The following HELQ variants were observed in gnomAD, a reference collection of about 807,000 sequenced individuals.
The protein encoded by HELQ is helicase, POLQ like.
HELQ carries 77 observed loss-of-function variants against 111.6 expected under a neutral mutation model. The observed-to-expected ratio is 0.69, with a 90% CI of 0.57 to 0.83. HELQ has a LOEUF of 0.83. Among genes scored for constraint, HELQ ranks in the 40% least tolerant of loss-of-function variants. HELQ has a pLI of 0.00. For synonymous variants in HELQ, 438 were observed against 454.7 expected (o/e 0.96, Z 0.47); for missense variants, 1,200 against 1,288.5 (o/e 0.93, Z 1.05).
At chr4:83,408,972 A>G (rs556361296) in intron 17 of HELQ, among the ~76,000 whole-genome samples, 24 of 152,234 alleles carry the variant, frequency 1.6e-4, no homozygotes, top group Non-Finnish European at 3.4e-4. Context: ...CTTTTAGGGG[A>G]GAGAATGGGT....
intron 8 of HELQ, among the ~76,000 whole-genome samples, chr4:83,439,315 T>C (rs1333158224): frequency 6.6e-6 from 1 of 151,116 alleles, no homozygotes; most frequent in African/African-American, 2.5e-5. Flanking sequence ...TCCGCACACC[T>C]TGGCTTCCCA....
At position 83,437,391 on chromosome 4, in the gene HELQ, T is replaced by C. The variant is rs369700460; in HGVS notation, c.1809-294A>G. Among the ~76,000 whole-genome samples, 43 of 152,124 alleles carry C rather than the reference T, an allele frequency of 2.8e-4. 1 individual carries two copies. The highest frequency in any genetic ancestry group is 9.8e-4 in the Admixed American group (15 of 15,276). ...ACTTTGGGAGGTAGAGGCAGAAGGATTGCTTGAGCCCAAGAGTTCAAGATC... is the reference window on the plus strand; with the variant it reads ...ACTTTGGGAGGTAGAGGCAGAAGGACTGCTTGAGCCCAAGAGTTCAAGATC... On this transcript the variant is annotated intron_variant, in intron 8 of 17. Transcript: ENST00000295488.
intron 14 of HELQ, among the ~76,000 whole-genome samples, chr4:83,422,857 A>G (rs57581974): frequency 0.079 from 12,014 of 152,238 alleles, 1,591 homozygotes; most frequent in African/African-American, 0.27. Context: ...TATAAATTAG[A>G]CAAATGTACT....
intron 7 of HELQ, 83 bp downstream of exon 7, chr4:83,441,222 A>G: frequency 2.6e-6 from 2 of 756,776 alleles, no homozygotes; most frequent in East Asian, 2.6e-5. Flanking sequence ...AATCTAGACT[A>G]TTCTACGGAA....
At chr4:83,427,449 G>T in intron 13 of HELQ, 114 bp downstream of exon 13, 1 of 813,192 alleles carries the variant, frequency 1.2e-6, no homozygotes, top group Non-Finnish European at 1.8e-6. Flanking sequence ...GAGCCTAGGA[G>T]TTTGAGACCA....
chr4:83,453,413 G>A lies in HELQ; in HGVS notation c.830C>T (p.Ala277Val), dbSNP rs748050831. Residue 277 changes from alanine (A) to valine (V), a missense_variant, in exon 2 of 18, where the codon GCG (alanine) becomes GTG (valine). Ala to Val is a moderately conservative substitution (Grantham distance 64). This residue lies in a region of HELQ where 610 missense variants were observed against 607.1 expected (regional missense o/e 1.00). Coordinates refer to ENST00000295488, the MANE Select transcript of HELQ (RefSeq NM_133636.5). ...AGAAAATATTGGTGTCTGGGCCTTC[G>A]CATTTCCAGTCATGGCATTTTTTAG... ...DHLKNAMTGNAKAQTPIFSRS... is the reference protein window; with the variant it reads ...DHLKNAMTGNVKAQTPIFSRS... The A allele has an allele frequency of 2.5e-6, 4 of 1,603,700 alleles. No homozygotes were observed. Among genetic ancestry groups the A allele is most frequent in the Non-Finnish European group, 2.5e-6 (3 of 1,176,512 alleles).
chr4:83,444,898 ATTC>A lies in HELQ; in HGVS notation c.1465+1113_1465+1115del, dbSNP rs532057712. Among the ~76,000 whole-genome samples, 409 of 152,348 alleles carry A rather than the reference ATTC, an allele frequency of 2.7e-3. 3 individuals carry two copies. The highest frequency in any genetic ancestry group is 6.8e-3 in the Middle Eastern group (2 of 294). ...ATTGGATTTGCATTTGGGAAAGATC[ATTC>A]TTCTTGCGCTAAAGAAAGATGGATT... On this transcript the variant is annotated intron_variant, in intron 5 of 17. Transcript: ENST00000295488.
At chr4:83,438,748 G>GAAA (rs200715200) in intron 8 of HELQ, among the ~76,000 whole-genome samples, 3 of 104,282 alleles carry the variant, frequency 2.9e-5, no homozygotes, top group Admixed American at 9.6e-5. Flanking sequence ...CCTGTCTCAG[G>GAAA]AAAAAAAAAA....
At chr4:83,420,520 C>T (rs1302500375) in intron 15 of HELQ, among the ~76,000 whole-genome samples, 1 of 150,738 alleles carries the variant, frequency 6.6e-6, no homozygotes, top group Non-Finnish European at 1.5e-5. Flanking sequence ...CGCTGTGGCT[C>T]ATGCCTGTAA....
At chr4:83,427,821 C>T (rs573175321) in intron 12 of HELQ, 101 bp from the exon 13 acceptor site, 3 of 735,842 alleles carry the variant, frequency 4.1e-6, no homozygotes, top group South Asian at 5.5e-5. Flanking sequence ...AGCAAAAAGT[C>T]TTCAAAATCT....
intron 9 of HELQ, among the ~76,000 whole-genome samples, chr4:83,435,914 G>A (rs1720428876): frequency 6.7e-6 from 1 of 150,174 alleles, no homozygotes; most frequent in African/African-American, 2.5e-5. Flanking sequence ...CTGAAAAATG[G>A]AAAACTTAAT....
chr4:83,412,552 T>C (rs985371833), intron 17 of HELQ, among the ~76,000 whole-genome samples: 1 of 152,164 alleles, frequency 6.6e-6, no homozygotes, highest in African/African-American at 2.4e-5. Context: ...CCAGGCTGGG[T>C]GCAGTGGCTC....
intron 6 of HELQ, among the ~76,000 whole-genome samples, chr4:83,442,260 ATTTTTT>A (rs70949710): frequency 4.8e-4 from 39 of 82,064 alleles, no homozygotes; most frequent in African/African-American, 2.0e-3. Flanking sequence ...AAAAACATCA[ATTTTTT>A]TTTTTTTTTT....
chr4:83,411,323 G>A (rs2109959822), intron 17 of HELQ, among the ~76,000 whole-genome samples: 1 of 151,114 alleles, frequency 6.6e-6, no homozygotes, highest in South Asian at 2.1e-4. Context: ...TTTAGAGATA[G>A]GGTCTCCCCC....
intron 2 of HELQ, among the ~76,000 whole-genome samples, chr4:83,449,451 C>T (rs1721230993): frequency 6.6e-6 from 1 of 152,210 alleles, no homozygotes; most frequent in African/African-American, 2.4e-5. Context: ...TTAACTAGCT[C>T]TCATGGAGAC....
chr4:83,415,297 C>T (rs997713123), intron 17 of HELQ, among the ~76,000 whole-genome samples: 1 of 152,082 alleles, frequency 6.6e-6, no homozygotes, highest in Non-Finnish European at 1.5e-5. Context: ...AAAAGAGAAA[C>T]CCTTGGGGGC....
intron 2 of HELQ, among the ~76,000 whole-genome samples, chr4:83,451,676 A>C (rs1467936899): frequency 2.7e-5 from 4 of 150,734 alleles, no homozygotes; most frequent in African/African-American, 1.0e-4. Context: ...AAAAAAACAA[A>C]AAAACAAAAA....
At chr4:83,432,881 T>C (rs1434658897) in intron 9 of HELQ, among the ~76,000 whole-genome samples, 1 of 151,840 alleles carries the variant, frequency 6.6e-6, no homozygotes, top group Non-Finnish European at 1.5e-5. Flanking sequence ...ATGCAGTCTC[T>C]ACAAAAACAA....
intron 15 of HELQ, among the ~76,000 whole-genome samples, chr4:83,421,095 G>A (rs947119369): frequency 2.0e-5 from 3 of 152,176 alleles, no homozygotes; most frequent in African/African-American, 7.2e-5. Context: ...ACAGGCGGGA[G>A]CCATGGCATC....
Sources: allele counts gnomAD v4.1 joint callset (sites outside exome capture counted in the v4.1 genomes callset), GRCh38; gene constraint gnomAD v4.1.1; regional missense constraint gnomAD v4.1.1; transcripts MANE v1.5; gene names NCBI Gene and HGNC (gene_info 2026-07-23, HGNC 2026-07-21).